SFRP1: variants seen among roughly 807,000 people sequenced by gnomAD.
SFRP1 encodes the protein secreted frizzled-related protein 1.
Under a neutral mutation model 25.9 loss-of-function variants are expected in SFRP1, and 9 were observed. That is an observed-to-expected ratio of 0.35 (90% CI 0.21 to 0.61). The LOEUF (loss-of-function observed/expected upper bound fraction) is 0.61. Ranked by LOEUF, SFRP1 falls within the 20% of genes least tolerant of loss-of-function variation. The pLI, the probability that SFRP1 is intolerant of heterozygous loss-of-function variation, is 0.78. For synonymous variants in SFRP1, 178 were observed against 174.0 expected (o/e 1.02, Z -0.18); for missense variants, 346 against 418.2 (o/e 0.83, Z 1.51).
At chr8:41,296,949 A>G (rs1342614672) in intron 2 of SFRP1, among the ~76,000 whole-genome samples, 2 of 152,148 alleles carry the variant, frequency 1.3e-5, no homozygotes, top group Non-Finnish European at 2.9e-5. Context: ...AGATCTCCTA[A>G]CTTCTAGTTA....
intron 2 of SFRP1, among the ~76,000 whole-genome samples, chr8:41,300,727 G>A (rs1386466089): frequency 1.3e-5 from 2 of 152,190 alleles, no homozygotes; most frequent in Non-Finnish European, 2.9e-5. Flanking sequence ...AGAGGCGAGA[G>A]TGGCACCCTG....
At chr8:41,284,718 C>G (rs894592850) in intron 2 of SFRP1, among the ~76,000 whole-genome samples, 5 of 152,232 alleles carry the variant, frequency 3.3e-5, no homozygotes, top group African/African-American at 1.2e-4. Flanking sequence ...GGGGAGGGGT[C>G]TCCCCTGCCT....
intron 2 of SFRP1, among the ~76,000 whole-genome samples, chr8:41,290,975 C>G (rs1175752501): frequency 1.5e-5 from 2 of 130,770 alleles, no homozygotes; most frequent in East Asian, 4.8e-4. Context: ...GGCGCGATCT[C>G]GGCTCACTGC....
intron 2 of SFRP1, among the ~76,000 whole-genome samples, chr8:41,290,956 G>A (rs71521507): frequency 8.8e-6 from 1 of 113,540 alleles, no homozygotes; most frequent in South Asian, 3.1e-4. Context: ...ACCCAGGCTA[G>A]AATGCAGTGG....
At chr8:41,293,908 T>C (rs1200229750) in intron 2 of SFRP1, among the ~76,000 whole-genome samples, 1 of 150,860 alleles carries the variant, frequency 6.6e-6, no homozygotes, top group East Asian at 1.9e-4. Context: ...GACCACAATG[T>C]GCCACCATAT....
chr8:41,302,782 C>T (rs895925246), intron 2 of SFRP1, among the ~76,000 whole-genome samples: 1 of 152,120 alleles, frequency 6.6e-6, no homozygotes, highest in African/African-American at 2.4e-5. Context: ...CTGGCATCTC[C>T]CCCACCTCCC....
Position 41,263,456 on chromosome 8 carries a change from T to C in SFRP1, c.*1711A>G, listed in dbSNP as rs1803398020. On this transcript the variant is annotated 3_prime_UTR_variant, in exon 3 of 3. Coordinates refer to ENST00000220772, the MANE Select transcript of SFRP1 (RefSeq NM_003012.5). Reference sequence around the variant, plus strand: ...TAGGCGGGCATGCTGATTTTCATACTGGAGTCTTCAAGAGTTAACAGAATC... The same window carrying C: ...TAGGCGGGCATGCTGATTTTCATACCGGAGTCTTCAAGAGTTAACAGAATC... 6.6e-6 allele frequency: 1 copy of C among 152,230 alleles called. No individual in the cohort carries two copies. Among genetic ancestry groups the C allele is most frequent in the Non-Finnish European group, 1.5e-5 (1 of 68,044 alleles). 9.4% of individuals were successfully genotyped at this position (152,230 alleles called of 1,614,324 possible).
intron 2 of SFRP1, among the ~76,000 whole-genome samples, chr8:41,268,483 A>G (rs776535067): frequency 1.8e-4 from 27 of 152,228 alleles, no homozygotes; most frequent in Non-Finnish European, 3.7e-4. Context: ...ATGACCGTGT[A>G]AAGGAATGTA....
At chr8:41,275,041 A>G (rs1349215929) in intron 2 of SFRP1, 1 of 278,208 alleles carries the variant, frequency 3.6e-6, no homozygotes, top group East Asian at 1.5e-4. Context: ...GGAGGGAGGC[A>G]GTCCACTGAT....
chr8:41,284,320 G>C (rs976441917), intron 2 of SFRP1, among the ~76,000 whole-genome samples: 2 of 150,686 alleles, frequency 1.3e-5, no homozygotes. Context: ...CTAGAGGCTG[G>C]GACACACCAG....
intron 2 of SFRP1, among the ~76,000 whole-genome samples, chr8:41,289,291 C>A (rs1487940397): frequency 6.6e-6 from 1 of 152,230 alleles, no homozygotes; most frequent in Non-Finnish European, 1.5e-5. Context: ...GTGACCCCTT[C>A]AACTCGCTTA....
At chr8:41,294,599 T>A (rs1803817562) in intron 2 of SFRP1, among the ~76,000 whole-genome samples, 1 of 152,132 alleles carries the variant, frequency 6.6e-6, no homozygotes, top group Non-Finnish European at 1.5e-5. Context: ...TGATGTCCCT[T>A]AATTCCTGCC....
rs556417825 is a variant in SFRP1, at chr8:41,290,206, G to A, written c.622+13255C>T. Among the ~76,000 whole-genome samples, 7 of 152,304 alleles carry A rather than the reference G, an allele frequency of 4.6e-5. No homozygotes were observed. In the East Asian group the frequency reaches 5.8e-4, roughly 13 times the overall value. On this transcript the variant is annotated intron_variant, in intron 2 of 2. Transcript: ENST00000220772. ...TGTCCCCCAACTACACATAGGCATC[G>A]ACAGACACCCATATCTCGCAGATAT...
intron 2 of SFRP1, among the ~76,000 whole-genome samples, chr8:41,285,627 T>C (rs1312863679): frequency 6.6e-6 from 1 of 152,108 alleles, no homozygotes; most frequent in East Asian, 1.9e-4. Context: ...GGCCTCACTT[T>C]TCCCAGGACC....
intron 2 of SFRP1, among the ~76,000 whole-genome samples, chr8:41,301,589 C>T (rs1306532677): frequency 2.6e-5 from 4 of 152,222 alleles, no homozygotes; most frequent in South Asian, 2.1e-4. Context: ...CAGAGCCCAG[C>T]GGCTGTGCAT....
intron 2 of SFRP1, among the ~76,000 whole-genome samples, chr8:41,276,397 T>C (rs76179360): frequency 0.015 from 2,299 of 152,336 alleles, 26 homozygotes; most frequent in Non-Finnish European, 0.024. Flanking sequence ...CTGGGCACCA[T>C]GGCGAGCTGG....
intron 1 of SFRP1, among the ~76,000 whole-genome samples, 189 bp downstream of exon 1, chr8:41,308,427 G>T (rs2117525706): frequency 6.6e-6 from 1 of 152,362 alleles, no homozygotes. Context: ...CGCGAGGGGC[G>T]CTGAGCGATA....
chr8:41,274,352 T>A (rs149150437), intron 2 of SFRP1, among the ~76,000 whole-genome samples: 1 of 152,134 alleles, frequency 6.6e-6, no homozygotes, highest in Non-Finnish European at 1.5e-5. Flanking sequence ...AATATGAACA[T>A]AAGTAACTGG....
chr8:41,298,240 G>C (rs1165568280), intron 2 of SFRP1: 1 of 152,164 alleles, frequency 6.6e-6, no homozygotes, highest in Non-Finnish European at 1.5e-5. Context: ...GATAACACGT[G>C]AGTTCGTGAA....
Sources: gnomAD v4.1 joint callset for allele counts (sites outside exome capture counted in the v4.1 genomes callset) on GRCh38, gnomAD v4.1.1 for gene constraint, MANE v1.5 for transcripts, NCBI Gene and HGNC (gene_info 2026-07-23, HGNC 2026-07-21) for gene names.